MAD1L1: variants seen among roughly 807,000 people sequenced by gnomAD.
MAD1L1 encodes the protein mitotic arrest deficient 1 like 1.
A neutral mutation model predicts 96.9 loss-of-function variants in MAD1L1; 95 were observed. That is an observed-to-expected ratio of 0.98 (90% CI 0.83 to 1.16). The LOEUF (loss-of-function observed/expected upper bound fraction) is 1.16, where lower values mean the gene tolerates loss of function less well. Among genes scored for constraint, MAD1L1 ranks in the 50% most tolerant of loss-of-function variants. The pLI is 0.00. For synonymous variants in MAD1L1, 473 were observed against 396.6 expected (o/e 1.19, Z -2.29); for missense variants, 1,007 against 954.4 (o/e 1.06, Z -0.73).
chr7:1,846,934 C>T (rs1355287537), intron 18 of MAD1L1: 3 of 318,638 alleles, frequency 9.4e-6, no homozygotes, highest in Non-Finnish European at 1.2e-5. Flanking sequence ...AATGGTATCA[C>T]GGGAGGTTCT....
rs1291750455 is a variant in MAD1L1, at chr7:2,150,464, C to G, written c.987-1226G>C. On this transcript the variant is annotated intron_variant, in intron 10 of 18. Transcript: ENST00000265854. ...ACCCATGGGCCCCCGAAACCCTCAT[C>G]AGCTCATCCAGCGCTCACACAGCCC... Among the ~76,000 whole-genome samples, 7 of 152,296 alleles carry G rather than the reference C, an allele frequency of 4.6e-5. No homozygotes were observed. In the South Asian group the frequency reaches 6.2e-4, roughly 14 times the overall value.
chr7:2,189,149 G>A (rs990088568), intron 10 of MAD1L1, among the ~76,000 whole-genome samples: 1 of 152,104 alleles, frequency 6.6e-6, no homozygotes, highest in African/African-American at 2.4e-5. Flanking sequence ...TCATTAGGAT[G>A]GCTACCACCA....
chr7:1,964,760 C>T (rs1780090009), intron 15 of MAD1L1, among the ~76,000 whole-genome samples: 1 of 152,228 alleles, frequency 6.6e-6, no homozygotes, highest in Non-Finnish European at 1.5e-5. Context: ...TAGCCGGGAT[C>T]TTGCTTATAA....
intron 12 of MAD1L1, among the ~76,000 whole-genome samples, chr7:2,021,066 G>C (rs1203659064): frequency 1.3e-5 from 2 of 152,160 alleles, no homozygotes; most frequent in African/African-American, 4.8e-5. Context: ...CAAAAGAAGA[G>C]GCGACCTAAG....
At chr7:1,860,551 TC>T (rs1273184596) in intron 18 of MAD1L1, among the ~76,000 whole-genome samples, 1 of 151,634 alleles carries the variant, frequency 6.6e-6, no homozygotes, top group African/African-American at 2.4e-5. Flanking sequence ...CTGTTTCCTG[TC>T]CCTCGTCCCT....
intron 12 of MAD1L1, 103 bp from the exon 13 acceptor site, chr7:2,014,745 T>C: frequency 2.2e-6 from 3 of 1,343,718 alleles, no homozygotes; most frequent in Non-Finnish European, 2.0e-6. Context: ...ACGCGGGGGC[T>C]CCCTCGTGAG....
At chr7:1,885,555 C>T (rs1021961059) in intron 18 of MAD1L1, among the ~76,000 whole-genome samples, 2 of 152,116 alleles carry the variant, frequency 1.3e-5, no homozygotes, top group African/African-American at 4.8e-5. Flanking sequence ...TGGAGCTGTC[C>T]CACGGTGGGC....
chr7:2,221,232 C>A (rs990700694), intron 5 of MAD1L1, among the ~76,000 whole-genome samples: 6 of 152,218 alleles, frequency 3.9e-5, no homozygotes, highest in Non-Finnish European at 8.8e-5. Context: ...CACGACTCAC[C>A]CTCCCCCATG....
intron 18 of MAD1L1, chr7:1,847,593 C>T (rs1361347590): frequency 4.2e-6 from 2 of 470,990 alleles, no homozygotes; most frequent in Admixed American, 2.3e-5. Context: ...AACCGGGATG[C>T]ACACAGCATG....
chr7:1,964,165 C>T (rs1424262122), intron 15 of MAD1L1, among the ~76,000 whole-genome samples: 5 of 152,160 alleles, frequency 3.3e-5, no homozygotes, highest in Non-Finnish European at 1.5e-5. Flanking sequence ...GGGGAGTGAA[C>T]CTGCCCAAGG....
chr7:2,014,718 C>A, intron 12 of MAD1L1, 76 bp from the exon 13 acceptor site: 1 of 1,476,460 alleles, frequency 6.8e-7, no homozygotes, highest in Non-Finnish European at 9.0e-7. Context: ...CAGGGAAGGC[C>A]CCACGAGAGC....
intron 18 of MAD1L1, among the ~76,000 whole-genome samples, chr7:1,881,342 T>C (rs1037706698): frequency 6.6e-6 from 1 of 152,158 alleles, no homozygotes; most frequent in Admixed American, 6.5e-5. Flanking sequence ...CAAGGTCTGA[T>C]TTTTCACAAA....
intron 11 of MAD1L1, among the ~76,000 whole-genome samples, chr7:2,140,835 C>A (rs750879109): frequency 6.6e-6 from 1 of 152,238 alleles, no homozygotes; most frequent in Non-Finnish European, 1.5e-5. Context: ...AAAGTGATTG[C>A]ATTTGGGATG....
At chr7:2,148,649 G>A (rs1562730784) in intron 11 of MAD1L1, 2 of 154,090 alleles carry the variant, frequency 1.3e-5, no homozygotes, top group African/African-American at 4.8e-5. Flanking sequence ...GGGATAAGAA[G>A]AAATACATAT....
intron 10 of MAD1L1, among the ~76,000 whole-genome samples, chr7:2,179,594 G>C (rs1298771758): frequency 6.6e-6 from 1 of 151,682 alleles, no homozygotes; most frequent in Non-Finnish European, 1.5e-5. Flanking sequence ...AATGGGGCTG[G>C]CATCTCTCAA....
At chr7:2,221,558 C>T (rs1452991222) in intron 5 of MAD1L1, among the ~76,000 whole-genome samples, 7 of 151,468 alleles carry the variant, frequency 4.6e-5, no homozygotes, top group African/African-American at 1.5e-4. Flanking sequence ...TTGGCACCAG[C>T]GATCTTGATC....
At chr7:1,974,705 CAG>C (rs937507287) in intron 15 of MAD1L1, among the ~76,000 whole-genome samples, 6 of 152,220 alleles carry the variant, frequency 3.9e-5, no homozygotes, top group Non-Finnish European at 7.3e-5. Flanking sequence ...ACACAGAAAA[CAG>C]AGGAGAGGAA....
chr7:2,135,420 A>C (rs938709491), intron 11 of MAD1L1, among the ~76,000 whole-genome samples: 4 of 152,264 alleles, frequency 2.6e-5, no homozygotes, highest in Non-Finnish European at 4.4e-5. Context: ...TTTCATAAAT[A>C]TATTTTGTTA....
chr7:2,116,293 A>T (rs1424434822), intron 11 of MAD1L1, among the ~76,000 whole-genome samples: 1 of 152,160 alleles, frequency 6.6e-6, no homozygotes, highest in African/African-American at 2.4e-5. Flanking sequence ...TGCCGGGAGG[A>T]CGAACAAGAC....
Sources: gnomAD v4.1 joint callset for allele counts (sites outside exome capture counted in the v4.1 genomes callset) on GRCh38, gnomAD v4.1.1 for gene constraint, MANE v1.5 for transcripts, NCBI Gene and HGNC (gene_info 2026-07-23, HGNC 2026-07-21) for gene names.